Variants in CBL observed in about 807,000 individuals in gnomAD.
The protein encoded by CBL is E3 ubiquitin-protein ligase CBL.
A neutral mutation model predicts 96.9 loss-of-function variants in CBL; 45 were observed. That is an observed-to-expected ratio of 0.46 (90% CI 0.37 to 0.60). CBL has a LOEUF of 0.60. Among genes scored for constraint, CBL ranks in the 20% least tolerant of loss-of-function variants. The pLI, the probability that CBL is intolerant of heterozygous loss-of-function variation, is 0.00. For synonymous variants in CBL, 420 were observed against 426.8 expected (o/e 0.98, Z 0.20); for missense variants, 1,024 against 1,143.5 (o/e 0.90, Z 1.51).
rs397507489 is a variant in CBL, at chr11:119,232,558, T to C, written c.306T>C (p.Tyr102=). The C allele has an allele frequency of 6.2e-7, 1 of 1,614,080 alleles. No homozygotes were observed. The highest frequency in any genetic ancestry group is 8.5e-7 in the Non-Finnish European group (1 of 1,179,986). The change falls in exon 2 of 16, where the codon TAT becomes TAC. Residue 102 remains tyrosine, a synonymous_variant. Coordinates refer to ENST00000264033, the MANE Select transcript of CBL (RefSeq NM_005188.4). ...ATCTCCGTACTATCTTGTCAAGATA[T>C]GAGGGGAAGATGGAGACACTTGGAG... is the stretch of plus-strand genomic sequence containing the variant. ...YQHLRTILSR[Y]EGKMETLGEN...
At chr11:119,270,239 ATC>A (rs1949832876) in intron 2 of CBL, among the ~76,000 whole-genome samples, 2 of 140,854 alleles carry the variant, frequency 1.4e-5, no homozygotes, top group African/African-American at 2.6e-5. Context: ...ACTGTGTGAC[ATC>A]TTTTTTTTTT....
rs143189366 is a variant in CBL at position 119,300,881 on chromosome 11, C to T, written c.*1100C>T. The T allele has an allele frequency of 3.5e-6, 1 of 286,956 alleles. No individual in the cohort carries two copies. Among genetic ancestry groups the T allele is most frequent in the African/African-American group, 2.1e-5 (1 of 46,896 alleles). 17.8% of individuals were successfully genotyped at this position (286,956 alleles called of 1,614,324 possible). On this transcript the variant is annotated 3_prime_UTR_variant, in exon 16 of 16. Coordinates refer to ENST00000264033, the MANE Select transcript of CBL (RefSeq NM_005188.4). ...GCTTCGTTCACATGCTATTTAAATG[C>T]ACAAAATAGACAGTAAGGATTTATC...
At chr11:119,217,790 G>A (rs1228098621) in intron 1 of CBL, among the ~76,000 whole-genome samples, 1 of 152,002 alleles carries the variant, frequency 6.6e-6, no homozygotes, top group African/African-American at 2.4e-5. Flanking sequence ...CAAATTTTTG[G>A]CTGGGTGTGG....
chr11:119,285,017 C>T lies in CBL; in HGVS notation c.1480C>T (p.Pro494Ser), dbSNP rs767559244. 2 of 1,614,126 alleles carry T rather than the reference C, an allele frequency of 1.2e-6. No individual in the cohort carries two copies. The highest frequency in any genetic ancestry group is 1.1e-5 in the South Asian group (1 of 91,084). The change falls in exon 10 of 16, where the codon CCC (proline) becomes TCC (serine). Residue 494 changes from proline to serine, a missense_variant. By Grantham distance (74) the Pro-to-Ser change is moderately conservative (BLOSUM62 -1). This residue lies in a region of CBL where 695 missense variants were observed against 661.6 expected (regional missense o/e 1.05). Transcript: ENST00000264033. ...PFSMAPQASL[P>S]PVPPRLDLLP... The stretch of plus-strand genomic sequence containing the variant: ...CTCCATGGCCCCACAAGCTTCCCTT[C>T]CCCCGGTGCCACCACGACTTGACCT...
chr11:119,263,661 T>C (rs1325939956), intron 2 of CBL, among the ~76,000 whole-genome samples: 3 of 152,230 alleles, frequency 2.0e-5, no homozygotes, highest in Non-Finnish European at 4.4e-5. Context: ...TGTTTTGTTT[T>C]GTTTTGTTTT....
chr11:119,300,795 A>AG lies in CBL; in HGVS notation c.*1017dup, dbSNP rs749935226. The AG allele has an allele frequency of 5.3e-5, 20 of 379,644 alleles. No individual in the cohort carries two copies. The highest frequency in any genetic ancestry group is 8.9e-5 in the Non-Finnish European group (19 of 214,234). The allele number at this position is 379,644 out of a possible 1,614,324, so 23.5% of individuals were successfully genotyped here. ...TCATGAGTCTTTCTACTTAATGGGAAGGGAAGAACATTTGTTTCCAGGATG... is the reference window on the plus strand; with the variant it reads ...TCATGAGTCTTTCTACTTAATGGGAAGGGGAAGAACATTTGTTTCCAGGATG... On this transcript the variant is annotated 3_prime_UTR_variant, in exon 16 of 16. Coordinates refer to ENST00000264033, the MANE Select transcript of CBL (RefSeq NM_005188.4).
In CBL at chr11:119,287,818, A is replaced by G; in HGVS notation, c.1942-34A>G. On this transcript the variant is annotated intron_variant, in intron 11 of 15. Coordinates refer to ENST00000264033, the MANE Select transcript of CBL (RefSeq NM_005188.4). Reference sequence around the variant, plus strand: ...GAGCAGAGGCTCAGCTGTGGTAAGAAAGTTGTTTTTCAACACTTTTCTTTA... The same window carrying G: ...GAGCAGAGGCTCAGCTGTGGTAAGAGAGTTGTTTTTCAACACTTTTCTTTA... 4.4e-6 allele frequency: 6 copies of G among 1,350,826 alleles called. No homozygotes were observed. In the South Asian group the frequency reaches 7.0e-5, roughly 16 times the overall value. 83.7% of individuals were successfully genotyped at this position (1,350,826 alleles called of 1,614,324 possible).
chr11:119,221,825 T>G (rs1592372380), intron 1 of CBL, among the ~76,000 whole-genome samples: 1 of 152,004 alleles, frequency 6.6e-6, no homozygotes, highest in East Asian at 1.9e-4. Context: ...TTCAAGTTTC[T>G]GAGATGGAGT....
intron 2 of CBL, among the ~76,000 whole-genome samples, chr11:119,239,039 A>C (rs1024036097): frequency 2.0e-5 from 3 of 152,100 alleles, no homozygotes; most frequent in African/African-American, 7.2e-5. Flanking sequence ...ACTCAATCTC[A>C]GCTCACTGCA....
In CBL at chr11:119,303,519, C is replaced by G. The variant is rs1161537925; in HGVS notation, c.*3738C>G. 8.6e-6 allele frequency: 2 copies of G among 233,470 alleles called. No homozygotes were observed. Among genetic ancestry groups the G allele is most frequent in the Non-Finnish European group, 1.7e-5 (2 of 118,036 alleles). 14.5% of individuals were successfully genotyped at this position (233,470 alleles called of 1,614,324 possible). ...GCGTTTGACCTTAAAATAGCTCTTC[C>G]CAGTAAGATTGTGCAATTTTTATTC... On this transcript the variant is annotated 3_prime_UTR_variant, in exon 16 of 16. Transcript: ENST00000264033.
chr11:119,286,184 C>T (rs1231871812), intron 11 of CBL, among the ~76,000 whole-genome samples: 2 of 152,130 alleles, frequency 1.3e-5, no homozygotes, highest in East Asian at 3.9e-4. Context: ...TCTGTAATTC[C>T]AGCTACTCAG....
Position 119,299,847 on chromosome 11 carries a change from T to A in CBL, c.*66T>A. ...TGGGAGTTATTACTCAAGTGGCACC[T>A]AGAAGGGCAGGAGTTCCTTTGGTGA... On this transcript the variant is annotated 3_prime_UTR_variant, in exon 16 of 16. Coordinates refer to ENST00000264033, the MANE Select transcript of CBL (RefSeq NM_005188.4). The A allele has an allele frequency of 6.6e-7, 1 of 1,519,802 alleles. No homozygotes were observed. The highest frequency in any genetic ancestry group is 9.1e-7 in the Non-Finnish European group (1 of 1,101,254). The allele number at this position is 1,519,802 out of a possible 1,614,324, so 94.1% of individuals were successfully genotyped here.
chr11:119,277,284 A>G (rs141551224), intron 6 of CBL, among the ~76,000 whole-genome samples: 170 of 132,072 alleles, frequency 1.3e-3, no homozygotes, highest in Admixed American at 2.2e-3. Flanking sequence ...AAGAATTTCT[A>G]TCTGGTGGCC....
chr11:119,232,286 T>G (rs949538706), intron 1 of CBL, among the ~76,000 whole-genome samples, 162 bp from the exon 2 acceptor site: 2 of 152,226 alleles, frequency 1.3e-5, no homozygotes, highest in African/African-American at 4.8e-5. Flanking sequence ...AATTTTAAAA[T>G]GGTTGCCTGT....
At position 119,306,154 on chromosome 11, in the gene CBL, G is replaced by A; in HGVS notation, c.*6373G>A. 5.0e-6 allele frequency: 2 copies of A among 397,644 alleles called. No homozygotes were observed. Among genetic ancestry groups the A allele is most frequent in the Non-Finnish European group, 4.4e-6 (1 of 225,818 alleles). 24.6% of individuals were successfully genotyped at this position (397,644 alleles called of 1,614,324 possible). On this transcript the variant is annotated 3_prime_UTR_variant, in exon 16 of 16. Transcript: ENST00000264033. ...GGAGAGCAAGCCCCGCATGTCCATG[G>A]CGAGTCAGGTGGGGAGCACGGGTGG...
chr11:119,293,967 C>T (rs2510139), intron 12 of CBL, among the ~76,000 whole-genome samples: 89,623 of 151,976 alleles, frequency 0.59, 27,283 homozygotes, highest in East Asian at 0.88. Flanking sequence ...ACCCCTAATA[C>T]AGGGCTTACT....
intron 1 of CBL, among the ~76,000 whole-genome samples, chr11:119,210,554 A>G (rs1237514949): frequency 2.0e-5 from 3 of 151,472 alleles, no homozygotes; most frequent in Admixed American, 6.6e-5. Context: ...CTCAGCCACC[A>G]AGTAGCTGGG....
At chr11:119,218,046 G>T (rs1460526256) in intron 1 of CBL, among the ~76,000 whole-genome samples, 1 of 152,124 alleles carries the variant, frequency 6.6e-6, no homozygotes, top group Non-Finnish European at 1.5e-5. Flanking sequence ...GCATCAGCTT[G>T]GGCAACAGAG....
intron 2 of CBL, among the ~76,000 whole-genome samples, chr11:119,266,018 CAAAAA>C (rs398017759): frequency 1.3e-5 from 1 of 76,036 alleles, no homozygotes; most frequent in African/African-American, 5.4e-5. Flanking sequence ...GACTCCATCT[CAAAAA>C]AAAAAAAAAA....
Sources: gnomAD v4.1 joint callset for allele counts (sites outside exome capture counted in the v4.1 genomes callset) on GRCh38, gnomAD v4.1.1 for gene constraint, gnomAD v4.1.1 regional missense constraint, MANE v1.5 for transcripts, NCBI Gene and HGNC (gene_info 2026-07-23, HGNC 2026-07-21) for gene names.